TMEM40: variants seen among roughly 807,000 people sequenced by gnomAD.
TMEM40 encodes transmembrane protein 40.
A neutral mutation model predicts 40.8 loss-of-function variants in TMEM40; 34 were observed. That is an observed-to-expected ratio of 0.83 (90% confidence interval 0.63 to 1.11). The LOEUF is 1.11. Among genes scored for constraint, TMEM40 ranks in the 50% least tolerant of loss-of-function variants. The pLI is 0.00. For synonymous variants in TMEM40, 106 were observed against 107.0 expected, an observed-to-expected ratio of 0.99 and a Z score of 0.06; for missense variants, 296 against 280.2, an observed-to-expected ratio of 1.06 and a Z score of -0.40.
chr3:12,738,586 C>A lies in TMEM40; in HGVS notation c.358G>T (p.Ala120Ser). 1.9e-6 allele frequency: 3 copies of A among 1,614,074 alleles called. No individual in the cohort carries two copies. Among genetic ancestry groups the A allele is most frequent in the South Asian group, 1.1e-5 (1 of 91,084 alleles). The change falls in exon 6 of 12, where the codon GCT (alanine) becomes TCT (serine). Residue 120 changes from alanine (A) to serine (S), a missense_variant and splice_region_variant. Transcript: ENST00000314124. ...CCAGAGGGTACCACCTCTCCAGGAG[C>A]ATCTGCACAGAAAGGAAATCAGTGA... Reference protein sequence around the residue: ...LKDELQLYGDAPGEVVPSGES... With the variant: ...LKDELQLYGDSPGEVVPSGES...
intron 4 of TMEM40, among the ~76,000 whole-genome samples, chr3:12,742,823 C>T (rs1486234610): frequency 6.6e-6 from 1 of 152,178 alleles, no homozygotes; most frequent in African/African-American, 2.4e-5. Context: ...ATATTTAATA[C>T]CTCATTTGCT....
chr3:12,747,719 G>A (rs958270837), intron 3 of TMEM40, among the ~76,000 whole-genome samples: 1 of 151,808 alleles, frequency 6.6e-6, no homozygotes, highest in African/African-American at 2.4e-5. Context: ...AGACCAGCCT[G>A]GCCAACATAA....
At chr3:12,736,451 G>GA in intron 10 of TMEM40, 127 bp downstream of exon 10, 1 of 1,272,720 alleles carries the variant, frequency 7.9e-7, no homozygotes, top group Non-Finnish European at 1.1e-6. Flanking sequence ...CGCCTGGCCA[G>GA]AAAATTTTTT....
At chr3:12,765,441 C>T (rs28668791) in intron 1 of TMEM40, among the ~76,000 whole-genome samples, 5,936 of 152,130 alleles carry the variant, frequency 0.039, 395 homozygotes, top group African/African-American at 0.14. Flanking sequence ...GCCAGAGAAC[C>T]CAGTTTGACA....
chr3:12,734,557 T>A lies in TMEM40; in HGVS notation c.*217A>T, dbSNP rs945938402. 1.4e-5 allele frequency: 8 copies of A among 558,750 alleles called. No individual in the cohort carries two copies. The highest frequency in any genetic ancestry group is 3.0e-5 in the Admixed American group (1 of 32,892). The allele number at this position is 558,750 out of a possible 1,614,324, so 34.6% of individuals were successfully genotyped here. A position where few individuals can be genotyped will look rare whatever the true frequency, so the allele number is the denominator to read the frequency against. Reference sequence around the variant, plus strand: ...CCCCACACCCACCCTCTGCCTTCCATCCTTGCAGCTGGGTTGCACAGCAGT... The same window carrying A: ...CCCCACACCCACCCTCTGCCTTCCAACCTTGCAGCTGGGTTGCACAGCAGT... On this transcript the variant is annotated 3_prime_UTR_variant, in exon 12 of 12. Coordinates refer to ENST00000314124, the MANE Select transcript of TMEM40 (RefSeq NM_018306.4).
chr3:12,761,850 A>T (rs117797554), upstream of TMEM40, among the ~76,000 whole-genome samples: 288 of 152,298 alleles, frequency 1.9e-3, 8 homozygotes, highest in East Asian at 0.048. Flanking sequence ...GTGTAAAATA[A>T]CACTAGATTT....
chr3:12,747,910 CAAAAAAA>C (rs747586371), intron 3 of TMEM40, among the ~76,000 whole-genome samples: 5 of 27,582 alleles, frequency 1.8e-4, no homozygotes, highest in East Asian at 2.3e-3. Flanking sequence ...GATTCTGTCT[CAAAAAAA>C]AAAAAAAAAA....
intron 5 of TMEM40, among the ~76,000 whole-genome samples, chr3:12,742,122 C>A (rs761830471): frequency 6.6e-6 from 1 of 152,004 alleles, no homozygotes; most frequent in African/African-American, 2.4e-5. Context: ...CCCACCTACT[C>A]GGGAGGCTGA....
intron 1 of TMEM40, among the ~76,000 whole-genome samples, chr3:12,752,686 T>G (rs975274434): frequency 2.6e-5 from 4 of 151,724 alleles, no homozygotes; most frequent in African/African-American, 9.7e-5. Flanking sequence ...TAATCCCAGC[T>G]ACTCAGGAGG....
chr3:12,768,456 G>T lies in TMEM40; in HGVS notation c.-9+795C>A, dbSNP rs12632364. Among the ~76,000 whole-genome samples the T allele has an allele frequency of 0.01, 1,573 of 152,218 alleles. 38 individuals are homozygous for T. In the East Asian group the frequency reaches 0.11, roughly 11 times the overall value. The stretch of plus-strand genomic sequence containing the variant: ...CCGTTTTGACAGGGTGCTGATTGGT[G>T]CATTTACAATCCCTGAGCTAGACAC... On this transcript the variant is annotated intron_variant, in intron 1 of 11. Transcript: ENST00000264728.
chr3:12,758,218 C>T (rs1225091907), intron 1 of TMEM40, among the ~76,000 whole-genome samples: 1 of 152,076 alleles, frequency 6.6e-6, no homozygotes, highest in East Asian at 1.9e-4. Flanking sequence ...ATCCTTTTCA[C>T]AAGGAGGATT....
intron 8 of TMEM40, 74 bp downstream of exon 8, chr3:12,737,633 G>T: frequency 7.0e-7 from 1 of 1,418,526 alleles, no homozygotes; most frequent in Non-Finnish European, 1.0e-6. Flanking sequence ...GCTGTGCTAG[G>T]CCACCAGCTG....
In TMEM40 at chr3:12,738,126, G is replaced by A. The variant is rs1157629043; in HGVS notation, c.424+10C>T. On this transcript the variant is annotated intron_variant, in intron 7 of 11. Coordinates refer to ENST00000314124, the MANE Select transcript of TMEM40 (RefSeq NM_018306.4). ...CGCTCTGGCTCTCCTATTTGAGCTT[G>A]TGTATTTACCACTTGCTGGGTCAGA... The A allele has an allele frequency of 6.2e-7, 1 of 1,613,760 alleles. No individual in the cohort carries two copies. The highest frequency in any genetic ancestry group is 1.7e-5 in the Admixed American group (1 of 59,960).
chr3:12,762,312 TA>T (rs1575748375), upstream of TMEM40, among the ~76,000 whole-genome samples: 1 of 152,256 alleles, frequency 6.6e-6, no homozygotes, highest in East Asian at 1.9e-4. Flanking sequence ...TTCGTTTTAC[TA>T]TTTTTAACAT....
chr3:12,762,886 G>T (rs2061578624), upstream of TMEM40, among the ~76,000 whole-genome samples: 1 of 152,160 alleles, frequency 6.6e-6, no homozygotes, highest in African/African-American at 2.4e-5. Context: ...AAATGCAGCT[G>T]GGCGCGGTGG....
intron 1 of TMEM40, among the ~76,000 whole-genome samples, chr3:12,755,207 CTT>C (rs1491348489): frequency 1.1e-4 from 8 of 73,304 alleles, no homozygotes; most frequent in African/African-American, 5.8e-4. Flanking sequence ...TCCTTTCTTT[CTT>C]TCTTTCTCTC....
intron 3 of TMEM40, 60 bp from the exon 4 acceptor site, chr3:12,744,049 T>G: frequency 1.3e-6 from 2 of 1,520,820 alleles, no homozygotes; most frequent in African/African-American, 2.7e-5. Context: ...TGGGAATGCG[T>G]TCATTCTGGT....
In TMEM40 at chr3:12,738,163, G is replaced by C. The variant is rs756191439; in HGVS notation, c.397C>G (p.Arg133Gly). ...EVVPSGESGL[R>G]RRGSDPASGE... Reference sequence around the variant, plus strand: ...CTTGCTGGGTCAGAGCCTCTCCTTCGGAGTCCTGGAAACAAGAAACTCAAC... The same window carrying C: ...CTTGCTGGGTCAGAGCCTCTCCTTCCGAGTCCTGGAAACAAGAAACTCAAC... Residue 133 changes from arginine to glycine, a missense_variant, in exon 7 of 12, where the codon CGA becomes GGA. By Grantham distance (125) the Arg-to-Gly change is moderately radical (BLOSUM62 -2). Coordinates refer to ENST00000314124, the MANE Select transcript of TMEM40 (RefSeq NM_018306.4). The C allele has an allele frequency of 6.2e-7, 1 of 1,613,728 alleles. No individual in the cohort carries two copies. The highest frequency in any genetic ancestry group is 1.3e-5 in the African/African-American group (1 of 74,888).
At position 12,734,342 on chromosome 3, in the gene TMEM40, GCAGTGGA is replaced by G. The variant is rs1210092586; in HGVS notation, c.*425_*431del. On this transcript the variant is annotated 3_prime_UTR_variant, in exon 12 of 12. Coordinates refer to ENST00000314124, the MANE Select transcript of TMEM40 (RefSeq NM_018306.4). The stretch of plus-strand genomic sequence containing the variant: ...CAGCCCGATGGCTCCCTGCCTCAAA[GCAGTGGA>G]CCATCCATCTCTCCCAGGATGGCTC... 6.0e-6 allele frequency: 1 copy of G among 165,302 alleles called. No homozygotes were observed. Among genetic ancestry groups the G allele is most frequent in the Non-Finnish European group, 1.3e-5 (1 of 76,972 alleles). 10.2% of individuals were successfully genotyped at this position (165,302 alleles called of 1,614,324 possible). A position where few individuals can be genotyped will look rare whatever the true frequency, so the allele number is the denominator to read the frequency against.
Sources: allele counts gnomAD v4.1 joint callset (sites outside exome capture counted in the v4.1 genomes callset), GRCh38; gene constraint gnomAD v4.1.1; transcripts MANE v1.5; gene names NCBI Gene and HGNC (gene_info 2026-07-23, HGNC 2026-07-21).